Variants in LRIG2 observed in about 807,000 individuals in gnomAD.
The protein encoded by LRIG2 is leucine-rich repeats and immunoglobulin-like domains protein 2.
Under a neutral mutation model 107.8 loss-of-function variants are expected in LRIG2, and 93 were observed. The ratio of observed to expected loss-of-function variants is 0.86; its 90% CI spans 0.73 to 1.03. The LOEUF (loss-of-function observed/expected upper bound fraction) is 1.03, where lower values mean the gene tolerates loss of function less well. Among genes scored for constraint, LRIG2 ranks in the 50% least tolerant of loss-of-function variants. The pLI, the probability that LRIG2 is intolerant of heterozygous loss-of-function variation, is 0.00. For missense variants in LRIG2, 1,226 were observed against 1,296.0 expected (o/e 0.95, Z 0.83); for synonymous variants, 471 against 470.6 (o/e 1.00, Z -0.01).
chr1:113,088,017 A>G lies in LRIG2; in HGVS notation c.240-3301A>G, dbSNP rs142253200. Among the ~76,000 whole-genome samples the G allele has an allele frequency of 2.6e-3, 403 of 152,352 alleles. 2 individuals are homozygous for G. The highest frequency in any genetic ancestry group is 9.1e-3 in the African/African-American group (377 of 41,578). On this transcript the variant is annotated intron_variant, in intron 1 of 17. Coordinates refer to ENST00000361127, the MANE Select transcript of LRIG2 (RefSeq NM_014813.3). Reference sequence around the variant, plus strand: ...ATTGTATGCATGACTGATCAGATCAATCCATGTAATTCTAGTTAGACACTT... The same window carrying G: ...ATTGTATGCATGACTGATCAGATCAGTCCATGTAATTCTAGTTAGACACTT...
chr1:113,080,392 T>A (rs1390590984), intron 1 of LRIG2, among the ~76,000 whole-genome samples: 3 of 151,186 alleles, frequency 2.0e-5, no homozygotes, highest in Non-Finnish European at 2.9e-5. Flanking sequence ...TTTATTTATT[T>A]TTTTGGAGAC....
chr1:113,116,471 C>T, intron 16 of LRIG2, 35 bp downstream of exon 16: 2 of 1,556,040 alleles, frequency 1.3e-6, no homozygotes, highest in Non-Finnish European at 1.8e-6. Context: ...ACAATTTCAG[C>T]CTATTCTATT....
chr1:113,075,032 A>G (rs1190128518), intron 1 of LRIG2, among the ~76,000 whole-genome samples: 1 of 151,752 alleles, frequency 6.6e-6, no homozygotes, highest in Admixed American at 6.6e-5. Context: ...AACCTGACCA[A>G]CATGGAGAAA....
chr1:113,120,441 C>G (rs1476492200), intron 17 of LRIG2, among the ~76,000 whole-genome samples: 3 of 151,138 alleles, frequency 2.0e-5, no homozygotes, highest in African/African-American at 7.3e-5. Context: ...GAGTGAGACT[C>G]TGTCTCCAAA....
In LRIG2 at chr1:113,130,538, A is replaced by G. The variant is rs1655672240; in HGVS notation, c.*6437A>G. 1 of 152,244 alleles carries G rather than the reference A, an allele frequency of 6.6e-6. No individual in the cohort carries two copies. The highest frequency in any genetic ancestry group is 2.1e-4 in the South Asian group (1 of 4,834). The allele number at this position is 152,244 out of a possible 1,614,324, so 9.4% of individuals were successfully genotyped here. A position where few individuals can be genotyped will look rare whatever the true frequency, so the allele number is the denominator to read the frequency against. On this transcript the variant is annotated 3_prime_UTR_variant, in exon 18 of 18. Transcript: ENST00000361127. Reference sequence around the variant, plus strand: ...TAGTAAATTTATCTGATAATGGAATAATCAGCCTTTTTGGTGGAAAGGTAC... The same window carrying G: ...TAGTAAATTTATCTGATAATGGAATGATCAGCCTTTTTGGTGGAAAGGTAC...
At chr1:113,084,002 TAATA>T (rs1384446784) in intron 1 of LRIG2, among the ~76,000 whole-genome samples, 1 of 53,456 alleles carries the variant, frequency 1.9e-5, no homozygotes. Context: ...TAAAGTATAA[TAATA>T]ATAATAATAA....
In LRIG2 at chr1:113,073,555, G is replaced by A. The variant is rs534498924; in HGVS notation, c.149G>A (p.Arg50His). 1.5e-5 allele frequency: 24 copies of A among 1,614,074 alleles called. 2 individuals are homozygous for A. The South Asian group carries it at 2.6e-4, about 18-fold the overall frequency. ...AGLCPAPCSC[R>H]IPLLDCSRRK... ...CTCTGCCCCGCGCCCTGCTCCTGCCGCATTCCTCTCCTGGACTGCAGTCGC... is the reference window on the plus strand; with the variant it reads ...CTCTGCCCCGCGCCCTGCTCCTGCCACATTCCTCTCCTGGACTGCAGTCGC... The change falls in exon 1 of 18, where the codon CGC becomes CAC. Residue 50 changes from arginine to histidine, a missense_variant. This residue lies in a region of LRIG2 where 570 missense variants were observed against 550.2 expected (regional missense o/e 1.04). Coordinates refer to ENST00000361127, the MANE Select transcript of LRIG2 (RefSeq NM_014813.3).
chr1:113,093,511 T>A lies in LRIG2; in HGVS notation c.462T>A (p.Asn154Lys). 3.1e-6 allele frequency: 5 copies of A among 1,611,986 alleles called. No homozygotes were observed. Among genetic ancestry groups the A allele is most frequent in the Non-Finnish European group, 4.2e-6 (5 of 1,178,408 alleles). Residue 154 changes from asparagine (N) to lysine (K), a missense_variant, in exon 4 of 18, where the codon AAT becomes AAA. Around this residue, in one of 3 missense-constraint regions of LRIG2, gnomAD observed 570 missense variants for 550.2 expected, o/e 1.04. Coordinates refer to ENST00000361127, the MANE Select transcript of LRIG2 (RefSeq NM_014813.3). ...PALESLDLSSNIISEIKTSSF... is the reference protein window; with the variant it reads ...PALESLDLSSKIISEIKTSSF... The stretch of plus-strand genomic sequence containing the variant: ...TGGAGAGTTTAGACCTCAGCTCAAA[T>A]ATAATATCAGAAATCAAGACATCTT...
intron 1 of LRIG2, 36 bp from the exon 2 acceptor site, chr1:113,091,282 G>A: frequency 7.1e-7 from 1 of 1,401,680 alleles, no homozygotes. Context: ...CTACTTTCCA[G>A]GACTAAACTA....
At position 113,098,750 on chromosome 1, in the gene LRIG2, T is replaced by C. The variant is rs771243136; in HGVS notation, c.1137T>C (p.Ser379=). 1.2e-6 allele frequency: 2 copies of C among 1,612,914 alleles called. No individual in the cohort carries two copies. Among genetic ancestry groups the C allele is most frequent in the East Asian group, 4.5e-5 (2 of 44,854 alleles). The change falls in exon 9 of 18, where the codon AGT becomes AGC. Residue 379 remains serine, a synonymous_variant. Coordinates refer to ENST00000361127, the MANE Select transcript of LRIG2 (RefSeq NM_014813.3). ...TTTCATGGGCCATAGAAGATGCTAG[T>C]GAAGCCTTTGCTGGACTCACAAGTC... The part of the protein sequence containing the change: ...NEISWAIEDA[S]EAFAGLTSLT...
Position 113,110,286 on chromosome 1 carries a change from A to G in LRIG2, c.1522A>G (p.Ile508Val), listed in dbSNP as rs368991124. ...GATAAGGACACATCCTGAAACCATA[A>G]TTGCTCTAAGAGGCATGAATGTGAC... ...PQIRTHPETI[I>V]ALRGMNVTLT... The change falls in exon 13 of 18, where the codon ATT becomes GTT. Residue 508 changes from isoleucine to valine, a missense_variant. Coordinates refer to ENST00000361127, the MANE Select transcript of LRIG2 (RefSeq NM_014813.3). The G allele has an allele frequency of 6.2e-6, 10 of 1,613,390 alleles. No individual in the cohort carries two copies. In the African/African-American group the frequency reaches 9.3e-5, roughly 15 times the overall value.
In LRIG2 at chr1:113,093,551, C is replaced by G; in HGVS notation, c.502C>G (p.Gln168Glu). ...CAAGACATCTTCATTTCCTCGCATG[C>G]AGCTTAAATACCTGTAAGTAACACA... ...EIKTSSFPRM[Q>E]LKYLNLSNNR... is the part of the protein sequence containing the mutation. Residue 168 changes from glutamine (Q) to glutamate (E), a missense_variant, in exon 4 of 18, where the codon CAG becomes GAG. This residue lies in a region of LRIG2 where 570 missense variants were observed against 550.2 expected (regional missense o/e 1.04). Transcript: ENST00000361127. The G allele has an allele frequency of 6.3e-7, 1 of 1,575,702 alleles. No homozygotes were observed. The highest frequency in any genetic ancestry group is 1.1e-5 in the South Asian group (1 of 90,620).
chr1:113,096,718 C>T (rs1349012598), intron 8 of LRIG2, among the ~76,000 whole-genome samples: 4 of 152,144 alleles, frequency 2.6e-5, no homozygotes, highest in Non-Finnish European at 5.9e-5. Flanking sequence ...AGTTCTCATT[C>T]GAAAGGATGC....
At chr1:113,097,868 A>C (rs1040807146) in intron 8 of LRIG2, among the ~76,000 whole-genome samples, 17 of 152,150 alleles carry the variant, frequency 1.1e-4, no homozygotes, top group African/African-American at 4.1e-4. Context: ...TGGTTCTTTC[A>C]TTATTTATTC....
Position 113,082,413 on chromosome 1 carries a change from T to A in LRIG2, c.239+8768T>A, listed in dbSNP as rs376301511. On this transcript the variant is annotated intron_variant, in intron 1 of 17. Transcript: ENST00000361127. ...TAGTCTCTTGCACTGCTATATACAA[T>A]TAAATCAGACTGGGTAATTTATAAA... 1.8e-4 allele frequency among the ~76,000 whole-genome samples: 27 copies of A among 152,300 alleles called. 2 individuals are homozygous for A. The South Asian group carries it at 5.0e-3, about 28-fold the overall frequency.
At chr1:113,094,132 A>G (rs1002023101) in intron 4 of LRIG2, among the ~76,000 whole-genome samples, 1 of 152,246 alleles carries the variant, frequency 6.6e-6, no homozygotes, top group African/African-American at 2.4e-5. Flanking sequence ...GCATATTCAC[A>G]CATGCTGTTT....
At chr1:113,076,353 G>C (rs1182286052) in intron 1 of LRIG2, among the ~76,000 whole-genome samples, 3 of 152,208 alleles carry the variant, frequency 2.0e-5, no homozygotes, top group Admixed American at 1.3e-4. Context: ...TAAACATTTA[G>C]AAGTAATTTT....
At chr1:113,114,312 A>G in intron 14 of LRIG2, 115 bp from the exon 15 acceptor site, 1 of 637,504 alleles carries the variant, frequency 1.6e-6, no homozygotes, top group Non-Finnish European at 2.7e-6. Context: ...TAATCCTCCC[A>G]TGAGTATATA....
intron 17 of LRIG2, 146 bp from the exon 18 acceptor site, chr1:113,123,729 G>T (rs1728222): frequency 0.6 from 321,543 of 532,254 alleles, 63,768 homozygotes; most frequent in East Asian, 0.64. Flanking sequence ...GGTGGTTTTT[G>T]TGTGTGTGTG....
Sources: allele counts gnomAD v4.1 joint callset (sites outside exome capture counted in the v4.1 genomes callset), GRCh38; gene constraint gnomAD v4.1.1; regional missense constraint gnomAD v4.1.1; transcripts MANE v1.5; gene names NCBI Gene and HGNC (gene_info 2026-07-23, HGNC 2026-07-21).